The following NCOA7 variants were observed in gnomAD, a reference collection of about 807,000 sequenced individuals.
NCOA7 encodes nuclear receptor coactivator 7, also known as 140 kDa estrogen receptor-associated protein.
Under a neutral mutation model 104.3 loss-of-function variants are expected in NCOA7, and 45 were observed. The observed-to-expected ratio is 0.43, with a 90% CI of 0.34 to 0.55. The LOEUF (loss-of-function observed/expected upper bound fraction) is 0.55, where lower values mean the gene tolerates loss of function less well. Among genes scored for constraint, NCOA7 ranks in the 20% least tolerant of loss-of-function variants. The pLI is 0.02. For missense variants in NCOA7, 1,041 were observed against 1,119.7 expected (o/e 0.93, Z 1.00); for synonymous variants, 398 against 402.3 (o/e 0.99, Z 0.13).
In NCOA7 at chr6:125,815,385, A is replaced by G; in HGVS notation, c.31A>G (p.Lys11Glu). The change falls in exon 2 of 16, where the codon AAA (lysine) becomes GAA (glutamate). Residue 11 changes from lysine to glutamate, a missense_variant. Physicochemically the swap from Lys to Glu is moderately conservative, Grantham distance 56. Around this residue, in one of 2 missense-constraint regions of NCOA7, gnomAD observed 914 missense variants for 942.7 expected, o/e 0.97. Coordinates refer to ENST00000392477, the MANE Select transcript of NCOA7 (RefSeq NM_181782.5). Reference protein sequence around the residue: MDTKEEKKERKQSYFARLKKK... With the variant: MDTKEEKKEREQSYFARLKKK... ...TACCAAGGAAGAGAAGAAGGAACGG[A>G]AACAAAGTTATTTTGCTCGGTAAGC... is the stretch of plus-strand genomic sequence containing the variant. 1 of 1,608,514 alleles carries G rather than the reference A, an allele frequency of 6.2e-7. No individual in the cohort carries two copies. Among genetic ancestry groups the G allele is most frequent in the Non-Finnish European group, 8.5e-7 (1 of 1,177,550 alleles).
intron 2 of NCOA7, among the ~76,000 whole-genome samples, chr6:125,819,377 G>A (rs940308994): frequency 6.6e-6 from 1 of 151,732 alleles, no homozygotes; most frequent in African/African-American, 2.4e-5. Flanking sequence ...ACTCTAAATA[G>A]AGGGGTGGAT....
chr6:125,786,890 T>C (rs1562744453), upstream of NCOA7, among the ~76,000 whole-genome samples: 2 of 152,218 alleles, frequency 1.3e-5, no homozygotes, highest in African/African-American at 2.4e-5. Context: ...CTCATGTCTG[T>C]AGTCCCAGCA....
chr6:125,856,178 T>C (rs1467689445), intron 3 of NCOA7, among the ~76,000 whole-genome samples: 1 of 152,020 alleles, frequency 6.6e-6, no homozygotes, highest in African/African-American at 2.4e-5. Flanking sequence ...TTGAGATTGC[T>C]AGGAAAGGGA....
chr6:125,887,825 A>G (rs567423449), intron 8 of NCOA7, among the ~76,000 whole-genome samples: 1 of 152,312 alleles, frequency 6.6e-6, no homozygotes, highest in East Asian at 1.9e-4. Flanking sequence ...CAACCCAGTA[A>G]TAGTACTACT....
intron 1 of NCOA7, among the ~76,000 whole-genome samples, chr6:125,798,698 A>G (rs1364265321): frequency 2.0e-5 from 3 of 152,236 alleles, no homozygotes; most frequent in African/African-American, 4.8e-5. Flanking sequence ...AAAACAGGAA[A>G]GTGACAAACT....
intron 4 of NCOA7, among the ~76,000 whole-genome samples, chr6:125,876,126 A>T (rs1181932963): frequency 6.6e-6 from 1 of 152,232 alleles, no homozygotes; most frequent in Admixed American, 6.5e-5. Context: ...TACTTATTTT[A>T]TAGTCATTAT....
intron 2 of NCOA7, among the ~76,000 whole-genome samples, chr6:125,840,455 A>G (rs1418899169): frequency 6.6e-6 from 1 of 151,858 alleles, no homozygotes; most frequent in Admixed American, 6.6e-5. Context: ...CTCACCACTC[A>G]CTCTCTGACT....
At chr6:125,835,735 A>G (rs1779560010) in intron 2 of NCOA7, among the ~76,000 whole-genome samples, 2 of 152,226 alleles carry the variant, frequency 1.3e-5, no homozygotes, top group African/African-American at 2.4e-5. Flanking sequence ...GGACAGGCCC[A>G]CATAAAGATG....
intron 1 of NCOA7, among the ~76,000 whole-genome samples, chr6:125,802,883 C>T (rs1776036907): frequency 6.6e-6 from 1 of 152,184 alleles, no homozygotes; most frequent in Non-Finnish European, 1.5e-5. Context: ...GATCCTTGCA[C>T]TTCTCCATGC....
intron 10 of NCOA7, among the ~76,000 whole-genome samples, chr6:125,913,204 A>G (rs1490472692): frequency 1.3e-5 from 2 of 152,184 alleles, no homozygotes; most frequent in East Asian, 3.8e-4. Context: ...GGCTCATGTG[A>G]TTGTTAAGGG....
chr6:125,799,926 T>C (rs1345372892), intron 1 of NCOA7, among the ~76,000 whole-genome samples: 1 of 152,222 alleles, frequency 6.6e-6, no homozygotes, highest in Non-Finnish European at 1.5e-5. Context: ...CCTTCTATTT[T>C]CCTTGTTTTC....
intron 2 of NCOA7, among the ~76,000 whole-genome samples, chr6:125,842,738 T>C (rs888154789): frequency 6.6e-6 from 1 of 152,192 alleles, no homozygotes; most frequent in African/African-American, 2.4e-5. Flanking sequence ...AAAATTTTCC[T>C]TCTAATACTC....
At chr6:125,798,004 G>A (rs986204524) in intron 1 of NCOA7, 1 of 152,134 alleles carries the variant, frequency 6.6e-6, no homozygotes, top group Admixed American at 6.5e-5. Context: ...CTGACTTCAT[G>A]GCATCAAAGA....
upstream of NCOA7, among the ~76,000 whole-genome samples, chr6:125,790,488 C>A (rs1774725088): frequency 2.6e-5 from 4 of 152,150 alleles, no homozygotes; most frequent in African/African-American, 9.6e-5. Context: ...CGCAGCTCTC[C>A]GGGGCGGAGC....
chr6:125,883,556 G>A (rs1784019961), intron 7 of NCOA7, among the ~76,000 whole-genome samples: 1 of 151,658 alleles, frequency 6.6e-6, no homozygotes, highest in African/African-American at 2.4e-5. Context: ...CCCCTTCCCT[G>A]CCACCCTCAT....
At chr6:125,848,196 TTGG>T (rs1219975346) in intron 2 of NCOA7, among the ~76,000 whole-genome samples, 1 of 152,212 alleles carries the variant, frequency 6.6e-6, no homozygotes, top group Non-Finnish European at 1.5e-5. Flanking sequence ...TTTTACACTG[TTGG>T]TGGGAGTGTA....
chr6:125,837,067 A>G (rs539914662), intron 2 of NCOA7, among the ~76,000 whole-genome samples: 2 of 152,286 alleles, frequency 1.3e-5, no homozygotes, highest in East Asian at 1.9e-4. Flanking sequence ...AATTAGATAA[A>G]TGTTGAGTGA....
At chr6:125,861,778 T>C (rs1054392945) in intron 3 of NCOA7, among the ~76,000 whole-genome samples, 11 of 152,144 alleles carry the variant, frequency 7.2e-5, no homozygotes, top group African/African-American at 2.7e-4. Context: ...GGCTCACGCC[T>C]ATAATCCCAG....
In NCOA7 at chr6:125,814,408, G is replaced by A. The variant is rs554445586; in HGVS notation, c.-64-883G>A. 2.6e-5 allele frequency among the ~76,000 whole-genome samples: 4 copies of A among 152,172 alleles called. No homozygotes were observed. The East Asian group carries it at 7.7e-4, about 29-fold the overall frequency. ...CAATCTCAAGTGTTCTGCCTGCCTCGGCCTCCCAAAGTGCTGGGATTACAG... is the reference window on the plus strand; with the variant it reads ...CAATCTCAAGTGTTCTGCCTGCCTCAGCCTCCCAAAGTGCTGGGATTACAG... On this transcript the variant is annotated intron_variant, in intron 1 of 15. Transcript: ENST00000392477.
Sources: allele counts gnomAD v4.1 joint callset (sites outside exome capture counted in the v4.1 genomes callset), GRCh38; gene constraint gnomAD v4.1.1; regional missense constraint gnomAD v4.1.1; transcripts MANE v1.5; gene names NCBI Gene and HGNC (gene_info 2026-07-23, HGNC 2026-07-21).